ETV6: variants seen among roughly 807,000 people sequenced by gnomAD.
ETV6 encodes transcription factor ETV6.
Under a neutral mutation model 51.1 loss-of-function variants are expected in ETV6, and 16 were observed. The ratio of observed to expected loss-of-function variants is 0.31; its 90% CI spans 0.21 to 0.48. The LOEUF (loss-of-function observed/expected upper bound fraction) is 0.48. Ranked by LOEUF, ETV6 falls within the 20% of genes least tolerant of loss-of-function variation. ETV6 has a pLI of 0.99. For missense variants in ETV6, 458 were observed against 594.8 expected, an observed-to-expected ratio of 0.77 and a Z score of 2.39; for synonymous variants, 240 against 224.1, an observed-to-expected ratio of 1.07 and a Z score of -0.64.
At chr12:11,790,098 TTC>T (rs751699160) in intron 2 of ETV6, among the ~76,000 whole-genome samples, 335 of 29,562 alleles carry the variant, frequency 0.011, 1 homozygote, top group Non-Finnish European at 0.022. Flanking sequence ...TTGTCAGCAC[TTC>T]TTTTTTTTTT....
chr12:11,714,890 G>C (rs1865246140), intron 1 of ETV6, among the ~76,000 whole-genome samples: 1 of 152,176 alleles, frequency 6.6e-6, no homozygotes, highest in South Asian at 2.1e-4. Context: ...AAGGGTTGGA[G>C]TATGGTCAGT....
intron 2 of ETV6, among the ~76,000 whole-genome samples, chr12:11,809,937 A>T (rs1186807684): frequency 1.4e-5 from 2 of 147,200 alleles, no homozygotes. Context: ...CTCCTGCCTC[A>T]GCCTCCTGAG....
chr12:11,891,235 C>CG lies in ETV6; in HGVS notation c.*193dup. ...CCTTAGACAAACTACCCAGCACAGG[C>CG]GGGGCTGGAATTCTGGCGGAGGGCA... On this transcript the variant is annotated 3_prime_UTR_variant, in exon 8 of 8. Coordinates refer to ENST00000396373, the MANE Select transcript of ETV6 (RefSeq NM_001987.5). 5.7e-6 allele frequency: 3 copies of CG among 528,660 alleles called. No individual in the cohort carries two copies. The highest frequency in any genetic ancestry group is 1.0e-5 in the Non-Finnish European group (3 of 296,320). The allele number at this position is 528,660 out of a possible 1,614,324, so 32.7% of individuals were successfully genotyped here.
At chr12:11,725,607 T>C (rs771987665) in intron 1 of ETV6, among the ~76,000 whole-genome samples, 2 of 152,206 alleles carry the variant, frequency 1.3e-5, no homozygotes, top group Non-Finnish European at 2.9e-5. Flanking sequence ...TCCCCAAACC[T>C]CATGTTGAGA....
At chr12:11,829,284 G>A (rs1458560436) in intron 2 of ETV6, among the ~76,000 whole-genome samples, 2 of 152,170 alleles carry the variant, frequency 1.3e-5, no homozygotes, top group Non-Finnish European at 2.9e-5. Context: ...AAAATGCATT[G>A]AGCACTTGCT....
At chr12:11,667,517 C>T (rs547464409) in intron 1 of ETV6, among the ~76,000 whole-genome samples, 4 of 137,602 alleles carry the variant, frequency 2.9e-5, no homozygotes, top group African/African-American at 1.1e-4. Flanking sequence ...TGCTGAAGAA[C>T]AAACCTGGTG....
At chr12:11,751,651 G>A (rs1734019810) in intron 1 of ETV6, among the ~76,000 whole-genome samples, 1 of 152,182 alleles carries the variant, frequency 6.6e-6, no homozygotes, top group Non-Finnish European at 1.5e-5. Context: ...AATTCAAATG[G>A]AGGATCCATG....
chr12:11,789,180 C>A (rs552898848), intron 2 of ETV6, among the ~76,000 whole-genome samples: 41 of 152,008 alleles, frequency 2.7e-4, no homozygotes, highest in Middle Eastern at 3.4e-3. Context: ...TTACAGGCGC[C>A]AGCCACCATG....
At chr12:11,751,471 A>G in intron 1 of ETV6, 1 of 518,074 alleles carries the variant, frequency 1.9e-6, no homozygotes, top group South Asian at 1.4e-5. Context: ...TGTGGACTGC[A>G]AGTCAACCTA....
chr12:11,879,856 T>C (rs564218272), intron 5 of ETV6, among the ~76,000 whole-genome samples: 47 of 152,208 alleles, frequency 3.1e-4, no homozygotes, highest in African/African-American at 9.9e-4. Flanking sequence ...TGCATTTACA[T>C]TGATGATCAA....
intron 1 of ETV6, among the ~76,000 whole-genome samples, chr12:11,700,746 T>A (rs1864963576): frequency 6.6e-6 from 1 of 152,088 alleles, no homozygotes; most frequent in Admixed American, 6.5e-5. Flanking sequence ...CATCTTCATG[T>A]TGAGTAGGCT....
At chr12:11,665,701 C>T (rs1206157557) in intron 1 of ETV6, among the ~76,000 whole-genome samples, 1 of 152,178 alleles carries the variant, frequency 6.6e-6, no homozygotes, top group Non-Finnish European at 1.5e-5. Context: ...TGAGCAAATA[C>T]TCTGTGAGGG....
chr12:11,717,025 C>T (rs183601757), intron 1 of ETV6, among the ~76,000 whole-genome samples: 20 of 152,330 alleles, frequency 1.3e-4, no homozygotes, highest in Admixed American at 3.9e-4. Flanking sequence ...CGTATTTCAG[C>T]AGGCAGGCGA....
intron 1 of ETV6, among the ~76,000 whole-genome samples, chr12:11,683,999 G>A (rs1864581568): frequency 6.6e-6 from 1 of 151,810 alleles, no homozygotes; most frequent in Non-Finnish European, 1.5e-5. Flanking sequence ...AAAATTAATT[G>A]ACAATTAATT....
At chr12:11,868,724 G>A (rs967686020) in intron 4 of ETV6, among the ~76,000 whole-genome samples, 2 of 152,024 alleles carry the variant, frequency 1.3e-5, no homozygotes, top group Admixed American at 6.6e-5. Flanking sequence ...TAGAGAATAT[G>A]AAAATTTTAG....
At chr12:11,798,475 AAC>A (rs1328062527) in intron 2 of ETV6, among the ~76,000 whole-genome samples, 2 of 152,116 alleles carry the variant, frequency 1.3e-5, no homozygotes, top group African/African-American at 4.8e-5. Context: ...ATGGAGAAGC[AAC>A]ACAAATGTGA....
At chr12:11,878,877 G>C (rs576748784) in intron 5 of ETV6, among the ~76,000 whole-genome samples, 8 of 149,036 alleles carry the variant, frequency 5.4e-5, no homozygotes, top group African/African-American at 9.8e-5. Context: ...GTTGTAAACC[G>C]TGTTTCTCTA....
chr12:11,685,322 G>GAA (rs542402101), intron 1 of ETV6, among the ~76,000 whole-genome samples: 20 of 94,144 alleles, frequency 2.1e-4, no homozygotes, highest in South Asian at 6.6e-4. Flanking sequence ...GAACATTTCA[G>GAA]AAAAAAAAAA....
chr12:11,737,571 A>G (rs111315582), intron 1 of ETV6, among the ~76,000 whole-genome samples: 8 of 152,298 alleles, frequency 5.3e-5, no homozygotes, highest in South Asian at 2.1e-4. Context: ...GAAAATAACT[A>G]CTTGTCTTCT....
Sources: gnomAD v4.1 joint callset for allele counts (sites outside exome capture counted in the v4.1 genomes callset) on GRCh38, gnomAD v4.1.1 for gene constraint, MANE v1.5 for transcripts, NCBI Gene and HGNC (gene_info 2026-07-23, HGNC 2026-07-21) for gene names.